Variants in NRXN3 observed in about 807,000 individuals in gnomAD.
NRXN3 encodes the protein neurexin III.
In NRXN3, 32 loss-of-function variants were observed where a neutral mutation model predicts 137.6. The ratio of observed to expected loss-of-function variants is 0.23; its 90% CI spans 0.18 to 0.31. The LOEUF (loss-of-function observed/expected upper bound fraction) is 0.31. Among genes scored for constraint, NRXN3 ranks in the 10% least tolerant of loss-of-function variants. The pLI is 1.00. For missense variants in NRXN3, 1,574 were observed against 2,062.5 expected, an observed-to-expected ratio of 0.76 and a Z score of 4.59; for synonymous variants, 798 against 784.5, an observed-to-expected ratio of 1.02 and a Z score of -0.29.
chr14:78,876,858 A>G (rs2152608736), intron 10 of NRXN3, among the ~76,000 whole-genome samples: 1 of 152,284 alleles, frequency 6.6e-6, no homozygotes. Context: ...GCACTCAATA[A>G]ATGTTAGCTA....
chr14:79,200,774 G>A (rs559912545), intron 15 of NRXN3, among the ~76,000 whole-genome samples: 2 of 149,300 alleles, frequency 1.3e-5, no homozygotes, highest in East Asian at 2.0e-4. Context: ...TTGTTACCCA[G>A]GAGTTCTTTT....
intron 15 of NRXN3, among the ~76,000 whole-genome samples, chr14:79,420,491 T>A (rs893197628): frequency 1.3e-5 from 2 of 152,040 alleles, no homozygotes; most frequent in African/African-American, 4.8e-5. Context: ...ACACACATTA[T>A]CTCAACTGCC....
chr14:79,813,179 T>C (rs1016284726), intron 20 of NRXN3, among the ~76,000 whole-genome samples: 14 of 152,308 alleles, frequency 9.2e-5, no homozygotes, highest in African/African-American at 3.4e-4. Context: ...AACATAGACA[T>C]GCATGATACT....
intron 15 of NRXN3, chr14:79,279,709 C>T (rs1235750397): frequency 1.0e-6 from 1 of 986,218 alleles, no homozygotes; most frequent in Non-Finnish European, 1.2e-6. Flanking sequence ...GCCTCGCGCC[C>T]TTCCGCGGAG....
At position 78,609,652 on chromosome 14, in the gene NRXN3, A is replaced by G. The variant is rs539765877; in HGVS notation, c.758-35468A>G. ...CTGTTGAATGGGGTAATAATAATAT[A>G]TGACTCCAGGAGTTCTTGTGAGAAT... On this transcript the variant is annotated intron_variant, in intron 4 of 20. Transcript: ENST00000335750. 5.3e-5 allele frequency among the ~76,000 whole-genome samples: 8 copies of G among 152,320 alleles called. No individual in the cohort carries two copies. The South Asian group carries it at 8.3e-4, about 16-fold the overall frequency.
chr14:78,703,585 G>C (rs1316854821), intron 6 of NRXN3: 7 of 152,150 alleles, frequency 4.6e-5, no homozygotes, highest in Non-Finnish European at 8.8e-5. Context: ...TTTTTTGCTT[G>C]TTGTGAGTAA....
intron 8 of NRXN3, 95 bp downstream of exon 8, chr14:78,715,234 C>T: frequency 6.9e-7 from 1 of 1,441,632 alleles, no homozygotes; most frequent in South Asian, 1.3e-5. Context: ...CACCTACCTG[C>T]ACTTTCTTTC....
intron 14 of NRXN3, among the ~76,000 whole-genome samples, chr14:78,969,622 A>G (rs2099430139): frequency 6.6e-6 from 1 of 152,152 alleles, no homozygotes; most frequent in Non-Finnish European, 1.5e-5. Flanking sequence ...CGTAAAGCAC[A>G]CATTTATAAA....
intron 15 of NRXN3, among the ~76,000 whole-genome samples, chr14:79,116,765 T>C (rs2054516762): frequency 6.6e-6 from 1 of 152,216 alleles, no homozygotes; most frequent in Admixed American, 6.5e-5. Flanking sequence ...GGAGACTTCA[T>C]TTCCACCCCA....
intron 15 of NRXN3, among the ~76,000 whole-genome samples, chr14:79,258,734 C>T (rs1018878206): frequency 1.3e-5 from 2 of 152,286 alleles, no homozygotes; most frequent in South Asian, 2.1e-4. Flanking sequence ...GTAACAAACA[C>T]TGCCTTTCTA....
intron 8 of NRXN3, among the ~76,000 whole-genome samples, chr14:78,788,751 T>C (rs2098796693): frequency 6.6e-6 from 1 of 152,190 alleles, no homozygotes; most frequent in Non-Finnish European, 1.5e-5. Flanking sequence ...TATTAAACTT[T>C]CATCAAATGG....
chr14:79,065,656 G>C (rs1286327877), intron 15 of NRXN3, among the ~76,000 whole-genome samples: 1 of 152,002 alleles, frequency 6.6e-6, no homozygotes. Context: ...CCATAAAGAA[G>C]AACCTGCCTT....
At chr14:79,728,533 G>A (rs10129352) in intron 19 of NRXN3, among the ~76,000 whole-genome samples, 4,300 of 152,316 alleles carry the variant, frequency 0.028, 202 homozygotes, top group African/African-American at 0.099. Flanking sequence ...AAGGCAAACC[G>A]CAGCAGGAAG....
intron 4 of NRXN3, among the ~76,000 whole-genome samples, chr14:78,330,860 G>A (rs2080730918): frequency 6.6e-6 from 1 of 152,242 alleles, no homozygotes; most frequent in South Asian, 2.1e-4. Context: ...CAAACGAACT[G>A]ATAGTATATA....
intron 15 of NRXN3, among the ~76,000 whole-genome samples, chr14:79,448,029 C>T (rs2096093473): frequency 6.6e-6 from 1 of 152,208 alleles, no homozygotes; most frequent in Non-Finnish European, 1.5e-5. Context: ...ACAAGGACCT[C>T]CTTCACACGA....
At chr14:79,561,447 C>A (rs1185524527) in intron 16 of NRXN3, among the ~76,000 whole-genome samples, 1 of 152,104 alleles carries the variant, frequency 6.6e-6, no homozygotes, top group Admixed American at 6.6e-5. Context: ...ACAAATCTGC[C>A]ACTTTTGTAG....
rs531975741 is a variant in NRXN3, at chr14:78,589,969, CAAAA to C, written c.758-55147_758-55144del. ...TGAAACTCCGTTTGAAACAAACAAA[CAAAA>C]AAACAAACAAACAAACAAACAAAAA... On this transcript the variant is annotated intron_variant, in intron 4 of 20. Transcript: ENST00000335750. 5.4e-3 allele frequency among the ~76,000 whole-genome samples: 817 copies of C among 152,154 alleles called. 5 individuals carry two copies. The highest frequency in any genetic ancestry group is 0.019 in the African/African-American group (776 of 41,510).
At chr14:78,771,842 G>A (rs1368767407) in intron 8 of NRXN3, among the ~76,000 whole-genome samples, 1 of 152,124 alleles carries the variant, frequency 6.6e-6, no homozygotes, top group Non-Finnish European at 1.5e-5. Context: ...TAATTTATTG[G>A]TATTTTATTT....
At chr14:79,623,743 C>T (rs1476564692) in intron 16 of NRXN3, among the ~76,000 whole-genome samples, 2 of 151,648 alleles carry the variant, frequency 1.3e-5, no homozygotes, top group East Asian at 3.9e-4. Context: ...TTTCTAATAT[C>T]TTTTGACTCC....
Sources: allele counts gnomAD v4.1 joint callset (sites outside exome capture counted in the v4.1 genomes callset), GRCh38; gene constraint gnomAD v4.1.1; transcripts MANE v1.5; gene names NCBI Gene and HGNC (gene_info 2026-07-23, HGNC 2026-07-21).